INPP5D: variants seen among roughly 807,000 people sequenced by gnomAD.
The protein encoded by INPP5D is inositol polyphosphate-5-phosphatase D.
A neutral mutation model predicts 122.9 loss-of-function variants in INPP5D; 33 were observed. That is an observed-to-expected ratio of 0.27 (90% CI 0.20 to 0.36). The LOEUF (loss-of-function observed/expected upper bound fraction) is 0.36. Among genes scored for constraint, INPP5D ranks in the 10% least tolerant of loss-of-function variants. INPP5D has a pLI of 1.00. For missense variants in INPP5D, 1,053 were observed against 1,412.7 expected (o/e 0.75, Z 4.08); for synonymous variants, 584 against 576.2 (o/e 1.01, Z -0.19).
chr2:233,192,683 A>G (rs1179335802), intron 22 of INPP5D, among the ~76,000 whole-genome samples: 1 of 152,240 alleles, frequency 6.6e-6, no homozygotes, highest in East Asian at 1.9e-4. Context: ...TGGTGCTATC[A>G]GTAACACTGA....
intron 25 of INPP5D, among the ~76,000 whole-genome samples, chr2:233,201,100 C>G (rs1453551041): frequency 6.6e-6 from 1 of 152,134 alleles, no homozygotes; most frequent in Non-Finnish European, 1.5e-5. Flanking sequence ...TGCCTCTGTA[C>G]AGAGTTTGTT....
At chr2:233,149,595 G>A (rs572218125) in intron 9 of INPP5D, among the ~76,000 whole-genome samples, 3 of 152,202 alleles carry the variant, frequency 2.0e-5, no homozygotes, top group Non-Finnish European at 4.4e-5. Context: ...GGTCCTTCCT[G>A]CACCTGCCAT....
chr2:233,201,080 T>A lies in INPP5D; in HGVS notation c.2975+2704T>A, dbSNP rs1197824567. Among the ~76,000 whole-genome samples, 5 of 152,062 alleles carry A rather than the reference T, an allele frequency of 3.3e-5. No homozygotes were observed. In the East Asian group the frequency reaches 9.6e-4, roughly 29 times the overall value. Reference sequence around the variant, plus strand: ...ATAGCCCTGAAGCTCAGCTCAGCTGTCTCTCTCTCTGCCTCTGTACAGAGT... The same window carrying A: ...ATAGCCCTGAAGCTCAGCTCAGCTGACTCTCTCTCTGCCTCTGTACAGAGT... On this transcript the variant is annotated intron_variant, in intron 25 of 26. Coordinates refer to ENST00000445964, the MANE Select transcript of INPP5D (RefSeq NM_001017915.3).
At chr2:233,095,390 C>T (rs1574720959) in intron 2 of INPP5D, among the ~76,000 whole-genome samples, 1 of 152,080 alleles carries the variant, frequency 6.6e-6, no homozygotes, top group African/African-American at 2.4e-5. Context: ...GAGACCGAGG[C>T]GGGTGGATCA....
chr2:233,156,466 T>C (rs1280264561), intron 9 of INPP5D, among the ~76,000 whole-genome samples: 1 of 152,146 alleles, frequency 6.6e-6, no homozygotes, highest in African/African-American at 2.4e-5. Context: ...ATTTTTTGTT[T>C]TGTATTTTAG....
Position 233,204,425 on chromosome 2 carries a change from C to T in INPP5D, c.3275C>T (p.Ala1092Val). The change falls in exon 26 of 27, where the codon GCC becomes GTC. Residue 1092 changes from alanine (A) to valine (V), a missense_variant. Physicochemically the swap from Ala to Val is moderately conservative, Grantham distance 64 (BLOSUM62 0). This residue lies in a region of INPP5D where 417 missense variants were observed against 425.8 expected (regional missense o/e 0.98). Transcript: ENST00000445964. Reference protein sequence around the residue: ...RLRSFTCSSSAEGRAAGGDKS... With the variant: ...RLRSFTCSSSVEGRAAGGDKS... ...CGCTCCTTCACGTGCTCATCCTCTGCCGAGGGCAGGGCGGCCGGCGGGGAC... is the reference window on the plus strand; with the variant it reads ...CGCTCCTTCACGTGCTCATCCTCTGTCGAGGGCAGGGCGGCCGGCGGGGAC... The T allele has an allele frequency of 6.2e-7, 1 of 1,608,338 alleles. No homozygotes were observed. The highest frequency in any genetic ancestry group is 8.5e-7 in the Non-Finnish European group (1 of 1,178,010).
intron 9 of INPP5D, among the ~76,000 whole-genome samples, chr2:233,150,671 G>A (rs1360788578): frequency 3.3e-5 from 5 of 152,192 alleles, no homozygotes; most frequent in Admixed American, 2.0e-4. Flanking sequence ...AGATATTTGC[G>A]TAGCATCTTC....
At chr2:233,157,750 T>A (rs1364567550) in intron 9 of INPP5D, among the ~76,000 whole-genome samples, 1 of 57,288 alleles carries the variant, frequency 1.7e-5, no homozygotes, top group South Asian at 6.0e-4. Context: ...AATCTAAGCA[T>A]TTTTTTTTTT....
rs1468587161 is a variant in INPP5D at position 233,189,205 on chromosome 2, C to G, written c.2359-645C>G. The stretch of plus-strand genomic sequence containing the variant: ...CAGGGCCTCTGGGGGAGCTGGCACT[C>G]CCCAGCTCTGGAAACTTGCTCGCAG... On this transcript the variant is annotated intron_variant, in intron 21 of 26. Transcript: ENST00000445964. This position sits in a 1 kb window ranked among gnomAD's most constrained non-coding sequence, Gnocchi z 5.6. 6.6e-6 allele frequency among the ~76,000 whole-genome samples: 1 copy of G among 152,194 alleles called. No individual in the cohort carries two copies. The highest frequency in any genetic ancestry group is 2.4e-5 in the African/African-American group (1 of 41,438).
At chr2:233,075,817 T>TCAGCCCTGGGGGTCAGAATGTC (rs1355021943) in intron 1 of INPP5D, among the ~76,000 whole-genome samples, 2 of 152,156 alleles carry the variant, frequency 1.3e-5, no homozygotes, top group African/African-American at 4.8e-5. Flanking sequence ...TGAAACTGAT[T>TCAGCCCTGGGGGTCAGAATGTC]CAGCCCTGGG....
At chr2:233,092,333 G>A (rs115228258) in intron 2 of INPP5D, among the ~76,000 whole-genome samples, 3,011 of 152,310 alleles carry the variant, frequency 0.02, 40 homozygotes, top group Non-Finnish European at 0.029. Flanking sequence ...TTTACGAAAA[G>A]AAAAGAAGCA....
At chr2:233,150,481 A>C (rs1199421350) in intron 9 of INPP5D, among the ~76,000 whole-genome samples, 4 of 151,506 alleles carry the variant, frequency 2.6e-5, no homozygotes, top group Non-Finnish European at 5.9e-5. Flanking sequence ...TAGCAGCGTG[A>C]GAACAGACTA....
intron 2 of INPP5D, among the ~76,000 whole-genome samples, chr2:233,086,166 T>TTTCTTTCTTTC (rs1479657525): frequency 3.4e-5 from 5 of 148,608 alleles, no homozygotes; most frequent in African/African-American, 1.3e-4. Context: ...TCTTTCTTTC[T>TTTCTTTCTTTC]TTCTTTCTTT....
chr2:233,086,172 T>TCTTTCTTTCTTTCTTC (rs1691838881), intron 2 of INPP5D, among the ~76,000 whole-genome samples: 3 of 149,388 alleles, frequency 2.0e-5, no homozygotes, highest in African/African-American at 7.5e-5. Context: ...TTTCTTTCTT[T>TCTTTCTTTCTTTCTTC]CTTTCTTTCT....
At chr2:233,148,077 G>A (rs1693816907) in intron 9 of INPP5D, among the ~76,000 whole-genome samples, 1 of 152,220 alleles carries the variant, frequency 6.6e-6, no homozygotes, top group South Asian at 2.1e-4. Flanking sequence ...AGAGTCAGCT[G>A]TTATTAGTAG....
Position 233,195,418 on chromosome 2 carries a change from T to G in INPP5D, c.2616T>G (p.Arg872=). The G allele has an allele frequency of 2.5e-6, 4 of 1,613,670 alleles. No individual in the cohort carries two copies. The highest frequency in any genetic ancestry group is 2.5e-6 in the Non-Finnish European group (3 of 1,179,826). The change falls in exon 24 of 27, where the codon CGT becomes CGG. Residue 872 remains arginine (R), a synonymous_variant. Coordinates refer to ENST00000445964, the MANE Select transcript of INPP5D (RefSeq NM_001017915.3). ...EKLYDFVKTE[R]DESSGPKTLK... ...TTCCAGACTTTGTGAAGACGGAGCG[T>G]GATGAATCCAGTGGGCCAAAGACCC...
At chr2:233,141,829 A>T (rs1157292694) in intron 6 of INPP5D, among the ~76,000 whole-genome samples, 1 of 152,170 alleles carries the variant, frequency 6.6e-6, no homozygotes, top group Non-Finnish European at 1.5e-5. Context: ...GAGACTGGGG[A>T]GAAGGGGACT....
chr2:233,177,266 TG>T lies in INPP5D; in HGVS notation c.1992del (p.Met664IlefsTer34). On this transcript the variant is annotated frameshift_variant and splice_region_variant, in exon 18 of 27. Coordinates refer to ENST00000445964, the MANE Select transcript of INPP5D (RefSeq NM_001017915.3). LOFTEE classifies it high-confidence loss of function. The surrounding 1 kb of genome is among the most constrained non-coding windows in gnomAD (Gnocchi z 4.2). ...AAAGCCTATGACTTTGATTTGCAGA[TG>T]AAGTACAACTTGCCTTCCTGGTGTG... The part of the protein sequence containing the change: ...YAYTKQKATG[M>X]KYNLPSWCDR... The T allele has an allele frequency of 6.2e-7, 1 of 1,613,914 alleles. No homozygotes were observed. The highest frequency in any genetic ancestry group is 8.5e-7 in the Non-Finnish European group (1 of 1,179,836).
In INPP5D at chr2:233,204,245, C is replaced by T; in HGVS notation, c.3095C>T (p.Ala1032Val). The T allele has an allele frequency of 1.2e-6, 2 of 1,613,600 alleles. No homozygotes were observed. Among genetic ancestry groups the T allele is most frequent in the Non-Finnish European group, 1.7e-6 (2 of 1,179,862 alleles). The change falls in exon 26 of 27, where the codon GCT (alanine) becomes GTT (valine). Residue 1032 changes from alanine to valine, a missense_variant. By Grantham distance (64) the Ala-to-Val change is moderately conservative. This residue lies in a region of INPP5D where 417 missense variants were observed against 425.8 expected (regional missense o/e 0.98). Transcript: ENST00000445964. ...TCCCTGAGTTCCTTCCCTAAGCCTG[C>T]TCCCAGGAAGGACCAGGAATCCCCC... ...YGSLSSFPKPAPRKDQESPKM... is the reference protein window; with the variant it reads ...YGSLSSFPKPVPRKDQESPKM...
Sources: allele counts gnomAD v4.1 joint callset (sites outside exome capture counted in the v4.1 genomes callset), GRCh38; gene constraint gnomAD v4.1.1; regional missense constraint gnomAD v4.1.1; non-coding constraint Gnocchi (gnomAD v3.1); transcripts MANE v1.5; gene names NCBI Gene and HGNC (gene_info 2026-07-23, HGNC 2026-07-21).